MPDZ: variants seen among roughly 807,000 people sequenced by gnomAD.
The protein encoded by MPDZ is multiple PDZ domain crumbs cell polarity complex component.
In MPDZ, 234 loss-of-function variants were observed where a neutral mutation model predicts 239.1. That is an observed-to-expected ratio of 0.98 (90% confidence interval 0.88 to 1.09). MPDZ has a LOEUF of 1.09. Among genes scored for constraint, MPDZ ranks in the 50% least tolerant of loss-of-function variants. MPDZ has a pLI of 0.00. For synonymous variants in MPDZ, 1,048 were observed against 881.3 expected (o/e 1.19, Z -3.35); for missense variants, 3,175 against 2,510.0 (o/e 1.26, Z -5.66).
In MPDZ at chr9:13,176,159, C is replaced by A; in HGVS notation, c.2908G>T (p.Val970Leu). ...EVISSAELPS[V>L]LPDSAGKGSE... ...ACCTTTCCAGCTGAATCGGGTAGCACAGAAGGAAGTTCTGCACTTGATATA... is the reference window on the plus strand; with the variant it reads ...ACCTTTCCAGCTGAATCGGGTAGCAAAGAAGGAAGTTCTGCACTTGATATA... Residue 970 changes from valine to leucine, a missense_variant, in exon 20 of 47, where the codon GTG (valine) becomes TTG (leucine). Coordinates refer to ENST00000319217, the MANE Select transcript of MPDZ (RefSeq NM_001378778.1). 1 of 1,600,990 alleles carries A rather than the reference C, an allele frequency of 6.2e-7. No homozygotes were observed. Among genetic ancestry groups the A allele is most frequent in the South Asian group, 1.1e-5 (1 of 88,872 alleles).
At chr9:13,136,328 T>TTTTTTG in intron 30 of MPDZ, 146 bp from the exon 31 acceptor site, 2 of 311,562 alleles carry the variant, frequency 6.4e-6, no homozygotes, top group Non-Finnish European at 1.1e-5. Flanking sequence ...ACGTTTTCTT[T>TTTTTTG]TTTTTTTTTT....
chr9:13,237,783 C>A (rs1232099801), intron 3 of MPDZ, among the ~76,000 whole-genome samples: 6 of 152,080 alleles, frequency 3.9e-5, no homozygotes, highest in Non-Finnish European at 8.8e-5. Flanking sequence ...AGCTTGACAC[C>A]TTTCCATAAC....
At chr9:13,167,943 T>C (rs931938870) in intron 22 of MPDZ, among the ~76,000 whole-genome samples, 1 of 152,126 alleles carries the variant, frequency 6.6e-6, no homozygotes, top group Non-Finnish European at 1.5e-5. Flanking sequence ...TTTTATGTTG[T>C]CTTTTGCATG....
intron 41 of MPDZ, among the ~76,000 whole-genome samples, chr9:13,113,639 T>G (rs1942878652): frequency 6.6e-6 from 1 of 152,106 alleles, no homozygotes; most frequent in Admixed American, 6.6e-5. Context: ...TGGTGTTACA[T>G]TAAACACAGA....
At chr9:13,140,279 T>C (rs1947455154) in intron 27 of MPDZ, 130 bp from the exon 28 acceptor site, 5 of 581,524 alleles carry the variant, frequency 8.6e-6, no homozygotes, top group South Asian at 3.1e-5. Flanking sequence ...GGAAAGCTCA[T>C]ATATGTATAT....
At chr9:13,119,381 G>C in intron 39 of MPDZ, 121 bp downstream of exon 39, 1 of 1,205,716 alleles carries the variant, frequency 8.3e-7, no homozygotes, top group Non-Finnish European at 1.1e-6. Context: ...CATTGCACCT[G>C]GCCTTGAGGT....
chr9:13,244,749 C>A (rs891453456), intron 3 of MPDZ, among the ~76,000 whole-genome samples: 1 of 151,970 alleles, frequency 6.6e-6, no homozygotes, highest in African/African-American at 2.4e-5. Flanking sequence ...AAAAATTAAA[C>A]ATTATTGAAT....
intron 32 of MPDZ, among the ~76,000 whole-genome samples, chr9:13,131,199 A>G (rs1191415313): frequency 1.3e-5 from 2 of 152,202 alleles, no homozygotes; most frequent in Non-Finnish European, 2.9e-5. Context: ...GAGCCATGTA[A>G]TAATGGGGTT....
At chr9:13,219,046 T>C (rs1286432896) in intron 8 of MPDZ, among the ~76,000 whole-genome samples, 1 of 152,004 alleles carries the variant, frequency 6.6e-6, no homozygotes, top group Admixed American at 6.6e-5. Flanking sequence ...ATAACAGTTC[T>C]AAGACATACT....
At chr9:13,192,027 T>C (rs1051098555) in intron 15 of MPDZ, 104 bp downstream of exon 15, 17 of 1,018,122 alleles carry the variant, frequency 1.7e-5, no homozygotes, top group Non-Finnish European at 2.0e-5. Flanking sequence ...CCATGGGCGA[T>C]GTGAGTAAAT....
intron 42 of MPDZ, among the ~76,000 whole-genome samples, chr9:13,112,523 G>A (rs913893665): frequency 3.9e-5 from 6 of 152,292 alleles, no homozygotes; most frequent in Admixed American, 2.0e-4. Flanking sequence ...TAAATCATTA[G>A]ATCTTCATTT....
chr9:13,175,829 T>A lies in MPDZ; in HGVS notation c.2978A>T (p.Glu993Val), dbSNP rs367967232. The change falls in exon 21 of 47, where the codon GAG becomes GTG. Residue 993 changes from glutamate to valine, a missense_variant. By Grantham distance (121) the Glu-to-Val change is moderately radical. Transcript: ENST00000319217. ...LEQSSLACNA[E>V]CVMLQNVSKE... ...AGATACATTTTGAAGCATGACACAC[T>A]CAGCATTACAGGCCAGGGAGCTCTG... is the stretch of plus-strand genomic sequence containing the variant. 2.5e-6 allele frequency: 4 copies of A among 1,591,694 alleles called. No homozygotes were observed. In the African/African-American group the frequency reaches 4.0e-5, roughly 16 times the overall value.
In MPDZ at chr9:13,123,193, C is replaced by T; in HGVS notation, c.4913G>A (p.Gly1638Glu). 1 of 1,613,158 alleles carries T rather than the reference C, an allele frequency of 6.2e-7. No individual in the cohort carries two copies. Among genetic ancestry groups the T allele is most frequent in the Non-Finnish European group, 8.5e-7 (1 of 1,179,808 alleles). Residue 1638 changes from glycine (G) to glutamate (E), a missense_variant, in exon 36 of 47, where the codon GGG becomes GAG. By Grantham distance (98) the Gly-to-Glu change is moderately conservative. Coordinates refer to ENST00000319217, the MANE Select transcript of MPDZ (RefSeq NM_001378778.1). ...ACCCCCAACGATGCTCAGGCCCAGCCCTGTTCGCCCTTTGGAAATCTCGAT... is the reference window on the plus strand; with the variant it reads ...ACCCCCAACGATGCTCAGGCCCAGCTCTGTTCGCCCTTTGGAAATCTCGAT... ...TTIEISKGRT[G>E]LGLSIVGGSD...
chr9:13,124,887 C>T (rs1445917165), intron 35 of MPDZ, among the ~76,000 whole-genome samples: 2 of 152,090 alleles, frequency 1.3e-5, no homozygotes, highest in Non-Finnish European at 1.5e-5. Context: ...AGTTAGAGGC[C>T]TGGAATCAAG....
intron 29 of MPDZ, among the ~76,000 whole-genome samples, chr9:13,137,428 C>G (rs1299591671): frequency 6.6e-6 from 1 of 152,096 alleles, no homozygotes; most frequent in African/African-American, 2.4e-5. Context: ...TGGATCCCAG[C>G]CCAGGAGGGG....
chr9:13,190,428 C>A, intron 15 of MPDZ, 129 bp from the exon 16 acceptor site: 1 of 767,592 alleles, frequency 1.3e-6, no homozygotes, highest in Non-Finnish European at 1.8e-6. Context: ...GTAGCAACAG[C>A]TTTTCATGAA....
At chr9:13,109,355 T>C (rs1942029214) in intron 45 of MPDZ, among the ~76,000 whole-genome samples, 1 of 152,182 alleles carries the variant, frequency 6.6e-6, no homozygotes, top group African/African-American at 2.4e-5. Context: ...GCTCATTCTT[T>C]TTCCAGTTTA....
At chr9:13,215,040 T>A (rs1307792209) in intron 10 of MPDZ, among the ~76,000 whole-genome samples, 1 of 151,974 alleles carries the variant, frequency 6.6e-6, no homozygotes, top group Non-Finnish European at 1.5e-5. Flanking sequence ...TAGTGCTAAG[T>A]ATATTCACAT....
intron 6 of MPDZ, 58 bp downstream of exon 6, chr9:13,222,175 T>C (rs1189918253): frequency 2.3e-5 from 33 of 1,435,666 alleles, no homozygotes; most frequent in Non-Finnish European, 3.1e-5. Context: ...AACTTGGAGA[T>C]AACCAAAAAC....
Sources: allele counts gnomAD v4.1 joint callset (sites outside exome capture counted in the v4.1 genomes callset), GRCh38; gene constraint gnomAD v4.1.1; transcripts MANE v1.5; gene names NCBI Gene and HGNC (gene_info 2026-07-23, HGNC 2026-07-21).